Variants in INPP4A observed in about 807,000 individuals in gnomAD.
INPP4A encodes the protein inositol polyphosphate-4-phosphatase, type I, 107kD.
INPP4A carries 33 observed loss-of-function variants against 119.8 expected under a neutral mutation model. That is an observed-to-expected ratio of 0.28 (90% confidence interval 0.21 to 0.37). The LOEUF is 0.37. Among genes scored for constraint, INPP4A ranks in the 10% least tolerant of loss-of-function variants. The pLI is 1.00. For synonymous variants in INPP4A, 496 were observed against 500.7 expected (o/e 0.99, Z 0.12); for missense variants, 956 against 1,289.9 (o/e 0.74, Z 3.97).
intron 5 of INPP4A, among the ~76,000 whole-genome samples, chr2:98,535,261 T>C (rs1418135946): frequency 1.3e-5 from 2 of 152,250 alleles, no homozygotes; most frequent in Non-Finnish European, 2.9e-5. Context: ...AAACACAGGC[T>C]TCTAGAAATA....
chr2:98,508,282 A>G (rs1189457380), intron 1 of INPP4A, among the ~76,000 whole-genome samples: 1 of 152,196 alleles, frequency 6.6e-6, no homozygotes, highest in Non-Finnish European at 1.5e-5. Flanking sequence ...AAAAGGGAAG[A>G]GAAATCACCA....
chr2:98,506,741 G>A (rs768777191), intron 1 of INPP4A, among the ~76,000 whole-genome samples: 9 of 152,218 alleles, frequency 5.9e-5, no homozygotes, highest in African/African-American at 1.2e-4. Context: ...TGAACAGACC[G>A]AGGGGAGGAA....
rs567630692 is a variant in INPP4A, at chr2:98,444,889, G to T, written c.-362G>T. ...AGCGGCGGCGGCTGGCTAGGGCTGC[G>T]GCGCGCGTGGAGGGTTCGCTGCTGG... On this transcript the variant is annotated 5_prime_UTR_variant, in exon 1 of 25. Coordinates refer to ENST00000409851, the MANE Select transcript of INPP4A (RefSeq NM_001134225.2). The T allele has an allele frequency of 2.4e-4, 36 of 152,000 alleles. No homozygotes were observed. In the South Asian group the frequency reaches 7.3e-3, roughly 31 times the overall value. 9.4% of individuals were successfully genotyped at this position (152,000 alleles called of 1,614,324 possible).
chr2:98,495,881 C>A (rs1283672214), intron 1 of INPP4A, among the ~76,000 whole-genome samples: 2 of 152,218 alleles, frequency 1.3e-5, no homozygotes, highest in East Asian at 3.8e-4. Context: ...AGGGGATTCT[C>A]TACAGAATGT....
chr2:98,447,875 A>C (rs1022150358), intron 1 of INPP4A, among the ~76,000 whole-genome samples: 2 of 151,808 alleles, frequency 1.3e-5, no homozygotes, highest in African/African-American at 4.8e-5. Flanking sequence ...GTGAAACCCT[A>C]TCTCTACTAA....
chr2:98,563,687 G>C, intron 18 of INPP4A, 50 bp downstream of exon 18: 1 of 1,583,418 alleles, frequency 6.3e-7, no homozygotes, highest in Non-Finnish European at 8.6e-7. Context: ...TCTCAGCTCA[G>C]AAAAGACAGG....
intron 14 of INPP4A, 127 bp downstream of exon 14, chr2:98,553,096 A>T: frequency 1.3e-6 from 1 of 751,068 alleles, no homozygotes; most frequent in Non-Finnish European, 2.2e-6. Context: ...TTGAAGGTCT[A>T]CCTTAGGTCC....
chr2:98,576,840 G>A, intron 23 of INPP4A, 149 bp from the exon 24 acceptor site: 1 of 928,324 alleles, frequency 1.1e-6, no homozygotes, highest in Non-Finnish European at 1.6e-6. Flanking sequence ...ATGGAGTTGG[G>A]GAACAAAATT....
At chr2:98,482,630 C>T (rs913004383) in intron 1 of INPP4A, among the ~76,000 whole-genome samples, 1 of 152,208 alleles carries the variant, frequency 6.6e-6, no homozygotes, top group African/African-American at 2.4e-5. Context: ...CACAGGGAGG[C>T]CAGCGACCAG....
intron 1 of INPP4A, among the ~76,000 whole-genome samples, chr2:98,448,286 GT>G (rs1694598361): frequency 6.7e-6 from 1 of 148,926 alleles, no homozygotes; most frequent in Non-Finnish European, 1.5e-5. Flanking sequence ...AACTCAGGAG[GT>G]GGAGGTTGCA....
chr2:98,488,814 G>A (rs561150266), intron 1 of INPP4A, among the ~76,000 whole-genome samples: 450 of 152,288 alleles, frequency 3.0e-3, no homozygotes, highest in Non-Finnish European at 5.3e-3. Flanking sequence ...GTTGGTACTG[G>A]TTCCTGCGGG....
At chr2:98,446,025 G>C (rs1343539072) in intron 1 of INPP4A, among the ~76,000 whole-genome samples, 1 of 152,220 alleles carries the variant, frequency 6.6e-6, no homozygotes, top group Non-Finnish European at 1.5e-5. Flanking sequence ...AATTCTGACT[G>C]GTCCATCTGT....
chr2:98,544,042 T>TGC lies in INPP4A; in HGVS notation c.949+38_949+39dup, dbSNP rs753827839. The TGC allele has an allele frequency of 5.3e-5, 81 of 1,525,420 alleles. No homozygotes were observed. In the African/African-American group the frequency reaches 9.7e-4, roughly 18 times the overall value. 94.5% of individuals were successfully genotyped at this position (1,525,420 alleles called of 1,614,324 possible). ...CCCCCATGCTGTCACCACACACGCG[T>TGC]GCGCACACACACACACACACACTCT... On this transcript the variant is annotated intron_variant, in intron 11 of 24. Transcript: ENST00000409851.
At chr2:98,507,849 G>A (rs1435413430) in intron 1 of INPP4A, among the ~76,000 whole-genome samples, 4 of 152,246 alleles carry the variant, frequency 2.6e-5, no homozygotes, top group Middle Eastern at 3.4e-3. Context: ...AGACAAATAC[G>A]CCTTTCTGCC....
At chr2:98,472,865 A>AG (rs1007726156) in intron 1 of INPP4A, among the ~76,000 whole-genome samples, 1 of 152,172 alleles carries the variant, frequency 6.6e-6, no homozygotes, top group African/African-American at 2.4e-5. Flanking sequence ...CCTCTCCATG[A>AG]GGTGCTCTTT....
chr2:98,580,926 T>C (rs905640590), intron 24 of INPP4A, among the ~76,000 whole-genome samples: 1 of 152,232 alleles, frequency 6.6e-6, no homozygotes, highest in African/African-American at 2.4e-5. Flanking sequence ...GATTCCACCC[T>C]TGGGGATGCT....
intron 1 of INPP4A, among the ~76,000 whole-genome samples, chr2:98,503,524 TGCCTC>T (rs1683512108): frequency 6.6e-6 from 1 of 152,232 alleles, no homozygotes; most frequent in African/African-American, 2.4e-5. Context: ...GCTTCTTCCT[TGCCTC>T]TGTAGCAGCA....
At chr2:98,545,631 G>A (rs769189699) in intron 11 of INPP4A, among the ~76,000 whole-genome samples, 1 of 152,178 alleles carries the variant, frequency 6.6e-6, no homozygotes, top group Admixed American at 6.6e-5. Context: ...ACATTGTGCT[G>A]CACAGAATCA....
chr2:98,546,729 A>G lies in INPP4A; in HGVS notation c.1163+35A>G, dbSNP rs773165648. ...CAGAGAGGGTTTGTGGTCCTTGTACAGCTTTCTGATGCTTCTTTTCTCAGT... is the reference window on the plus strand; with the variant it reads ...CAGAGAGGGTTTGTGGTCCTTGTACGGCTTTCTGATGCTTCTTTTCTCAGT... On this transcript the variant is annotated intron_variant, in intron 13 of 24. Coordinates refer to ENST00000409851, the MANE Select transcript of INPP4A (RefSeq NM_001134225.2). This position sits in a 1 kb window ranked among gnomAD's most constrained non-coding sequence, Gnocchi z 4.2. 2 of 1,245,148 alleles carry G rather than the reference A, an allele frequency of 1.6e-6. No homozygotes were observed. The highest frequency in any genetic ancestry group is 2.4e-5 in the South Asian group (2 of 82,154). 77.1% of individuals were successfully genotyped at this position (1,245,148 alleles called of 1,614,324 possible). A position where few individuals can be genotyped will look rare whatever the true frequency, so the allele number is the denominator to read the frequency against.
Sources: allele counts gnomAD v4.1 joint callset (sites outside exome capture counted in the v4.1 genomes callset), GRCh38; gene constraint gnomAD v4.1.1; non-coding constraint Gnocchi (gnomAD v3.1); transcripts MANE v1.5; gene names NCBI Gene and HGNC (gene_info 2026-07-23, HGNC 2026-07-21).